FBXL4: variants seen among roughly 807,000 people sequenced by gnomAD.
FBXL4 encodes F-box and leucine rich repeat protein 4.
A neutral mutation model predicts 58.9 loss-of-function variants in FBXL4; 40 were observed. The ratio of observed to expected loss-of-function variants is 0.68; its 90% CI spans 0.53 to 0.88. The LOEUF is 0.88. Ranked by LOEUF, FBXL4 falls within the 40% of genes least tolerant of loss-of-function variation. FBXL4 has a pLI of 0.00. For missense variants in FBXL4, 676 were observed against 734.4 expected (o/e 0.92, Z 0.92); for synonymous variants, 263 against 265.5 (o/e 0.99, Z 0.09).
At chr6:98,880,734 G>T in intron 7 of FBXL4, 110 bp from the exon 8 acceptor site, 1 of 865,466 alleles carries the variant, frequency 1.2e-6, no homozygotes, top group Non-Finnish European at 1.9e-6. Flanking sequence ...CTGAAATGCA[G>T]CTCAAAAGCT....
intron 5 of FBXL4, among the ~76,000 whole-genome samples, chr6:98,910,521 G>A (rs944470099): frequency 6.6e-6 from 1 of 152,108 alleles, no homozygotes; most frequent in Non-Finnish European, 1.5e-5. Context: ...GCCAGGCATG[G>A]TGGCAGGCAC....
Position 98,869,846 on chromosome 6 carries a change from A to G in FBXL4, c.*4432T>C, listed in dbSNP as rs572020770. The G allele has an allele frequency of 3.9e-5, 6 of 152,320 alleles. No homozygotes were observed. The South Asian group carries it at 1.2e-3, about 32-fold the overall frequency. The allele number at this position is 152,320 out of a possible 1,614,324, so 9.4% of individuals were successfully genotyped here. ...CTCAAAAGTAAGCACCTGAATATTAATTGTCTACATTTTGTATTTTTAAGA... is the reference window on the plus strand; with the variant it reads ...CTCAAAAGTAAGCACCTGAATATTAGTTGTCTACATTTTGTATTTTTAAGA... On this transcript the variant is annotated 3_prime_UTR_variant, in exon 10 of 10. Transcript: ENST00000369244.
At chr6:98,916,819 T>TAA (rs1192978009) in intron 5 of FBXL4, among the ~76,000 whole-genome samples, 7 of 122,534 alleles carry the variant, frequency 5.7e-5, no homozygotes, top group African/African-American at 1.6e-4. Context: ...AAAGTATAAT[T>TAA]AAAAAAAAAC....
Position 98,904,734 on chromosome 6 carries a change from T to C in FBXL4, c.1103+692A>G, listed in dbSNP as rs184750750. On this transcript the variant is annotated intron_variant, in intron 6 of 9. Coordinates refer to ENST00000369244, the MANE Select transcript of FBXL4 (RefSeq NM_001278716.2). ...GAAAATGCTGGGATTATATGTAACA[T>C]ACAATGAGAAAAACCATGATCAAGG... is the stretch of plus-strand genomic sequence containing the variant. Among the ~76,000 whole-genome samples, 5 of 152,284 alleles carry C rather than the reference T, an allele frequency of 3.3e-5. No individual in the cohort carries two copies. The East Asian group carries it at 7.7e-4, about 24-fold the overall frequency.
At chr6:98,913,123 C>A (rs2128398302) in intron 5 of FBXL4, among the ~76,000 whole-genome samples, 1 of 152,292 alleles carries the variant, frequency 6.6e-6, no homozygotes, top group East Asian at 1.9e-4. Context: ...ACAAGAAGAG[C>A]TAACTGTCCT....
chr6:98,946,555 C>T (rs2128415305), intron 1 of FBXL4, among the ~76,000 whole-genome samples: 1 of 152,232 alleles, frequency 6.6e-6, no homozygotes, highest in East Asian at 1.9e-4. Flanking sequence ...ACCATATGTA[C>T]CATTGTACAG....
chr6:98,926,283 G>C (rs1772775842), intron 4 of FBXL4, among the ~76,000 whole-genome samples, 194 bp downstream of exon 4: 1 of 152,188 alleles, frequency 6.6e-6, no homozygotes, highest in Non-Finnish European at 1.5e-5. Flanking sequence ...ACAGTATGAG[G>C]TATTACAGGT....
intron 7 of FBXL4, among the ~76,000 whole-genome samples, chr6:98,884,437 A>G (rs969967806): frequency 2.6e-5 from 4 of 152,110 alleles, no homozygotes; most frequent in Non-Finnish European, 4.4e-5. Flanking sequence ...TGCATATTTG[A>G]GATTTTTCCT....
At chr6:98,926,352 G>A in intron 4 of FBXL4, 125 bp downstream of exon 4, 1 of 1,052,688 alleles carries the variant, frequency 9.5e-7, no homozygotes, top group Admixed American at 2.8e-5. Flanking sequence ...GAAAACTAAG[G>A]AAAATTTTCA....
chr6:98,928,432 G>A (rs1455494724), intron 2 of FBXL4, among the ~76,000 whole-genome samples: 1 of 151,810 alleles, frequency 6.6e-6, no homozygotes, highest in Non-Finnish European at 1.5e-5. Context: ...GGTTTCAAGC[G>A]ATTCTCATGC....
rs553596609 is a variant in FBXL4 at position 98,917,038 on chromosome 6, A to T, written c.858+336T>A. Among the ~76,000 whole-genome samples, 203 of 152,198 alleles carry T rather than the reference A, an allele frequency of 1.3e-3. 1 individual carries two copies. The highest frequency in any genetic ancestry group is 4.8e-3 in the African/African-American group (198 of 41,554). On this transcript the variant is annotated intron_variant, in intron 5 of 9. Coordinates refer to ENST00000369244, the MANE Select transcript of FBXL4 (RefSeq NM_001278716.2). ...AAATCATCTTTAACATAACTAATAA[A>T]AAGTTAAGCATGTATTGCCCACAGT... is the stretch of plus-strand genomic sequence containing the variant.
chr6:98,929,400 C>T (rs546274746), intron 2 of FBXL4, among the ~76,000 whole-genome samples: 554 of 151,738 alleles, frequency 3.7e-3, no homozygotes, highest in Non-Finnish European at 6.9e-3. Context: ...AGAGAAACCC[C>T]GTCTCTACTA....
At chr6:98,887,287 G>A (rs1009129873) in intron 7 of FBXL4, among the ~76,000 whole-genome samples, 6 of 151,980 alleles carry the variant, frequency 3.9e-5, no homozygotes, top group African/African-American at 1.4e-4. Context: ...AACAAAAAAA[G>A]TAAGATAATG....
At chr6:98,898,467 T>C (rs1027531904) in intron 7 of FBXL4, 2 of 968,546 alleles carry the variant, frequency 2.1e-6, no homozygotes, top group African/African-American at 3.5e-5. Flanking sequence ...TAGCTGGGCA[T>C]GGTGGCACGT....
intron 7 of FBXL4, 136 bp from the exon 8 acceptor site, chr6:98,880,760 C>A (rs1770824421): frequency 1.4e-6 from 1 of 700,008 alleles, no homozygotes; most frequent in South Asian, 1.7e-5. Context: ...ACAGAGTCCA[C>A]AAATGCCATT....
chr6:98,942,281 C>A (rs1353588139), intron 1 of FBXL4, among the ~76,000 whole-genome samples: 2 of 151,558 alleles, frequency 1.3e-5, no homozygotes, highest in Admixed American at 6.6e-5. Context: ...ATAGTTAAAT[C>A]TAAGTGATAC....
At chr6:98,922,743 G>C (rs910243536) in intron 4 of FBXL4, among the ~76,000 whole-genome samples, 1 of 152,112 alleles carries the variant, frequency 6.6e-6, no homozygotes, top group Non-Finnish European at 1.5e-5. Flanking sequence ...AATTGACCAA[G>C]CTCTTCACTG....
intron 7 of FBXL4, chr6:98,897,132 A>G (rs991078044): frequency 1.0e-6 from 1 of 981,774 alleles, no homozygotes; most frequent in Non-Finnish European, 1.2e-6. Context: ...TGCCTGCTAT[A>G]TTTCTTATTA....
intron 1 of FBXL4, among the ~76,000 whole-genome samples, chr6:98,945,308 G>T (rs1582467906): frequency 6.6e-6 from 1 of 151,988 alleles, no homozygotes; most frequent in East Asian, 1.9e-4. Context: ...AATACCAAAA[G>T]ACTTACAAAA....
Sources: gnomAD v4.1 joint callset for allele counts (sites outside exome capture counted in the v4.1 genomes callset) on GRCh38, gnomAD v4.1.1 for gene constraint, MANE v1.5 for transcripts, NCBI Gene and HGNC (gene_info 2026-07-23, HGNC 2026-07-21) for gene names.